Variants in LEMD1 observed in about 807,000 individuals in gnomAD.
LEMD1 encodes the protein LEM domain containing 1.
LEMD1 carries 18 observed loss-of-function variants against 17.4 expected under a neutral mutation model. That is an observed-to-expected ratio of 1.04 (90% CI 0.72 to 1.54). LEMD1 has a LOEUF of 1.54. LEMD1 is among the 40% of genes most tolerant of loss of function. LEMD1 has a pLI of 0.00. For synonymous variants in LEMD1, 88 were observed against 77.8 expected, an observed-to-expected ratio of 1.13 and a Z score of -0.69; for missense variants, 195 against 210.4, an observed-to-expected ratio of 0.93 and a Z score of 0.45.
intron 1 of LEMD1, among the ~76,000 whole-genome samples, chr1:205,432,186 AG>A (rs1666134182): frequency 6.6e-6 from 1 of 152,218 alleles, no homozygotes; most frequent in Non-Finnish European, 1.5e-5. Context: ...AGGAAGAGGA[AG>A]GGAAAAGGAG....
chr1:205,421,083 C>T (rs146829956), intron 1 of LEMD1, among the ~76,000 whole-genome samples: 61 of 151,768 alleles, frequency 4.0e-4, no homozygotes, highest in Admixed American at 1.7e-3. Flanking sequence ...TAACTCTGAA[C>T]GTTAACAAGA....
chr1:205,419,190 G>A (rs1665837987), intron 3 of LEMD1, 40 bp downstream of exon 3: 1 of 1,607,406 alleles, frequency 6.2e-7, no homozygotes, highest in African/African-American at 1.3e-5. Context: ...GTATTAATAA[G>A]TGCAAAGTTG....
At chr1:205,431,720 TTC>T (rs1263382877) in intron 1 of LEMD1, among the ~76,000 whole-genome samples, 1 of 152,014 alleles carries the variant, frequency 6.6e-6, no homozygotes, top group Non-Finnish European at 1.5e-5. Flanking sequence ...TTTTCTTTCT[TTC>T]TTTCTTTTTT....
chr1:205,408,535 C>T lies in LEMD1; in HGVS notation c.270+7697G>A, dbSNP rs150967188. On this transcript the variant is annotated intron_variant, in intron 4 of 5. Transcript: ENST00000367153. ...TTTTTTTTTGAGACAGGATCTCACT[C>T]TGTCACCCAAGCTGGAGTGCATTGG... Among the ~76,000 whole-genome samples the T allele has an allele frequency of 7.9e-3, 1,127 of 142,938 alleles. 14 individuals carry two copies. Among genetic ancestry groups the T allele is most frequent in the African/African-American group, 0.027 (1,055 of 38,512 alleles). The allele number at this position is 142,938 out of a possible 152,430, so 93.8% of individuals were successfully genotyped here.
intron 4 of LEMD1, among the ~76,000 whole-genome samples, chr1:205,392,638 T>C (rs1255138894): frequency 2.0e-5 from 3 of 151,520 alleles, no homozygotes; most frequent in Non-Finnish European, 2.9e-5. Context: ...AATTTGAAGA[T>C]AGAACAATAT....
At chr1:205,413,587 CTTTT>C (rs781477988) in intron 4 of LEMD1, among the ~76,000 whole-genome samples, 1,906 of 72,464 alleles carry the variant, frequency 0.026, 13 homozygotes, top group Middle Eastern at 0.069. Context: ...CCATGCCCAA[CTTTT>C]TTTTTTTTTT....
At chr1:205,412,018 C>T (rs1574982218) in intron 4 of LEMD1, among the ~76,000 whole-genome samples, 1 of 152,194 alleles carries the variant, frequency 6.6e-6, no homozygotes, top group East Asian at 1.9e-4. Context: ...AAACCCAGGA[C>T]CATTTGCCCC....
chr1:205,434,414 G>C (rs893660152), intron 1 of LEMD1, among the ~76,000 whole-genome samples: 6 of 151,018 alleles, frequency 4.0e-5, no homozygotes, highest in African/African-American at 1.5e-4. Flanking sequence ...TGCCCAGGCT[G>C]GTCTTAACTC....
At chr1:205,438,489 G>A (rs1361856545) in intron 1 of LEMD1, among the ~76,000 whole-genome samples, 1 of 152,220 alleles carries the variant, frequency 6.6e-6, no homozygotes, top group Non-Finnish European at 1.5e-5. Context: ...TATTCCCTGG[G>A]CTCATCCAAG....
chr1:205,394,807 T>C (rs1292667873), intron 4 of LEMD1, among the ~76,000 whole-genome samples: 1 of 151,898 alleles, frequency 6.6e-6, no homozygotes, highest in African/African-American at 2.4e-5. Context: ...ACCAACGTGG[T>C]GAAACCCTGT....
chr1:205,390,781 GC>G (rs1448478278), intron 4 of LEMD1, among the ~76,000 whole-genome samples: 4 of 152,092 alleles, frequency 2.6e-5, no homozygotes, highest in African/African-American at 9.7e-5. Flanking sequence ...CAAAAGATGA[GC>G]ATATCCTTTA....
At chr1:205,424,506 C>T (rs1666030751), upstream of LEMD1, among the ~76,000 whole-genome samples, 1 of 152,094 alleles carries the variant, frequency 6.6e-6, no homozygotes. Context: ...TACAAAGATG[C>T]AAAAGCTATA....
chr1:205,419,084 G>A, intron 3 of LEMD1, 146 bp downstream of exon 3: 1 of 827,788 alleles, frequency 1.2e-6, no homozygotes. Flanking sequence ...CAGCCCAGGG[G>A]CCTATTTTCC....
At chr1:205,445,229 C>T (rs990892773) in intron 1 of LEMD1, among the ~76,000 whole-genome samples, 1 of 152,188 alleles carries the variant, frequency 6.6e-6, no homozygotes, top group Non-Finnish European at 1.5e-5. Context: ...CCTCCTTCCC[C>T]ACCCCTTCCC....
chr1:205,428,715 G>C (rs1018662366), intron 1 of LEMD1, among the ~76,000 whole-genome samples: 4 of 152,200 alleles, frequency 2.6e-5, no homozygotes, highest in Non-Finnish European at 5.9e-5. Context: ...GCATGAGAGA[G>C]AGGGTGGTAG....
At position 205,448,187 on chromosome 1, in the gene LEMD1, G is replaced by A. The variant is rs1364461713; in HGVS notation, c.-39+1681C>T. ...GGCCAAGGTCACACGGCTTAGCCCC[G>A]ATCCCAGGTTACCAGATCCCGTGAT... On this transcript the variant is annotated intron_variant, in intron 1 of 3. Transcript: ENST00000367154. The surrounding 1 kb of genome is among the most constrained non-coding windows in gnomAD (Gnocchi z 4.7). The A allele has an allele frequency of 3.9e-5, 17 of 436,148 alleles. No individual in the cohort carries two copies. The highest frequency in any genetic ancestry group is 1.2e-4 in the Admixed American group (5 of 40,584). The allele number at this position is 436,148 out of a possible 1,614,324, so 27.0% of individuals were successfully genotyped here.
At chr1:205,423,177 T>C (rs1292403658), upstream of LEMD1, among the ~76,000 whole-genome samples, 1 of 152,080 alleles carries the variant, frequency 6.6e-6, no homozygotes, top group Non-Finnish European at 1.5e-5. Flanking sequence ...TTTGGGTGGG[T>C]GGTTATGAAG....
At chr1:205,423,171 G>A (rs1173110924), upstream of LEMD1, among the ~76,000 whole-genome samples, 1 of 152,142 alleles carries the variant, frequency 6.6e-6, no homozygotes, top group African/African-American at 2.4e-5. Flanking sequence ...AACGTCTTTG[G>A]GTGGGTGGTT....
At chr1:205,438,010 A>C (rs1196661310) in intron 1 of LEMD1, 2 of 152,220 alleles carry the variant, frequency 1.3e-5, no homozygotes, top group Non-Finnish European at 2.9e-5. Context: ...GGAGCAGAGA[A>C]GGAAATGACA....
Sources: gnomAD v4.1 joint callset for allele counts (sites outside exome capture counted in the v4.1 genomes callset) on GRCh38, gnomAD v4.1.1 for gene constraint, Gnocchi (gnomAD v3.1) non-coding constraint, MANE v1.5 for transcripts, NCBI Gene and HGNC (gene_info 2026-07-23, HGNC 2026-07-21) for gene names.